ZHX3: variants seen among roughly 807,000 people sequenced by gnomAD.
The protein encoded by ZHX3 is zinc fingers and homeoboxes protein 3.
A neutral mutation model predicts 64.5 loss-of-function variants in ZHX3; 20 were observed. The observed-to-expected ratio is 0.31, with a 90% CI of 0.22 to 0.45. The LOEUF is 0.45. Ranked by LOEUF, ZHX3 falls within the 20% of genes least tolerant of loss-of-function variation. The pLI is 1.00. For missense variants in ZHX3, 1,041 were observed against 1,195.8 expected, an observed-to-expected ratio of 0.87 and a Z score of 1.91; for synonymous variants, 423 against 461.6, an observed-to-expected ratio of 0.92 and a Z score of 1.07.
At chr20:41,263,938 C>CA (rs1220419583) in intron 2 of ZHX3, among the ~76,000 whole-genome samples, 1 of 150,780 alleles carries the variant, frequency 6.6e-6, no homozygotes, top group Admixed American at 6.6e-5. Context: ...CTGGCAAGTG[C>CA]AAAAAAAGGA....
intron 2 of ZHX3, chr20:41,238,860 T>A (rs2041185028): frequency 6.6e-6 from 1 of 152,026 alleles, no homozygotes; most frequent in South Asian, 2.1e-4. Context: ...AAGATGCAAG[T>A]AAGAAACCTA....
Position 41,187,702 on chromosome 20 carries a change from G to A in ZHX3, c.2861-2501C>T, listed in dbSNP as rs1011696229. Among the ~76,000 whole-genome samples, 4 of 152,182 alleles carry A rather than the reference G, an allele frequency of 2.6e-5. No homozygotes were observed. The South Asian group carries it at 6.2e-4, about 24-fold the overall frequency. On this transcript the variant is annotated intron_variant, in intron 3 of 3. Transcript: ENST00000683867. Reference sequence around the variant, plus strand: ...TGTAGTACAATTTGAAATCAAGTGAGTGTGACTCCTTCAACTTTGTTTTTT... The same window carrying A: ...TGTAGTACAATTTGAAATCAAGTGAATGTGACTCCTTCAACTTTGTTTTTT...
intron 3 of ZHX3, among the ~76,000 whole-genome samples, chr20:41,193,259 G>A (rs1476577574): frequency 6.6e-6 from 1 of 152,118 alleles, no homozygotes; most frequent in African/African-American, 2.4e-5. Context: ...TTTGGGTCAC[G>A]TCTACATCTT....
intron 1 of ZHX3, among the ~76,000 whole-genome samples, chr20:41,301,188 C>G (rs2044789155): frequency 6.6e-6 from 1 of 152,128 alleles, no homozygotes; most frequent in Non-Finnish European, 1.5e-5. Context: ...GCCTGAACCT[C>G]TTCTTTAAGC....
Position 41,181,994 on chromosome 20 carries a change from G to A in ZHX3, c.*3197C>T, listed in dbSNP as rs1457876990. 1.3e-5 allele frequency: 2 copies of A among 152,126 alleles called. No individual in the cohort carries two copies. Among genetic ancestry groups the A allele is most frequent in the Non-Finnish European group, 2.9e-5 (2 of 68,016 alleles). The allele number at this position is 152,126 out of a possible 1,614,324, so 9.4% of individuals were successfully genotyped here. A position where few individuals can be genotyped will look rare whatever the true frequency, so the allele number is the denominator to read the frequency against. Reference sequence around the variant, plus strand: ...AAGGCCCTGGCAAGCCATCCAACTAGGGCGTTCTTTTTCAGGAACCCAAGA... The same window carrying A: ...AAGGCCCTGGCAAGCCATCCAACTAAGGCGTTCTTTTTCAGGAACCCAAGA... On this transcript the variant is annotated 3_prime_UTR_variant, in exon 4 of 4. Transcript: ENST00000683867.
At chr20:41,230,382 A>G (rs1286980049) in intron 2 of ZHX3, among the ~76,000 whole-genome samples, 2 of 152,152 alleles carry the variant, frequency 1.3e-5, no homozygotes, top group South Asian at 2.1e-4. Flanking sequence ...GTTTATCATT[A>G]TAGTACTTAG....
At position 41,204,377 on chromosome 20, in the gene ZHX3, G is replaced by C; in HGVS notation, c.540C>G (p.Ile180Met). 6.2e-7 allele frequency: 1 copy of C among 1,614,208 alleles called. No homozygotes were observed. Among genetic ancestry groups the C allele is most frequent in the Non-Finnish European group, 8.5e-7 (1 of 1,180,048 alleles). The change falls in exon 3 of 4, where the codon ATC (isoleucine) becomes ATG (methionine). Residue 180 changes from isoleucine (I) to methionine (M), a missense_variant. Ile to Met is a conservative substitution (Grantham distance 10). Coordinates refer to ENST00000683867, the MANE Select transcript of ZHX3 (RefSeq NM_001384317.1). The surrounding 1 kb of genome is among the most constrained non-coding windows in gnomAD (Gnocchi z 6.6). The stretch of plus-strand genomic sequence containing the variant: ...TCTTCATGATTGGAGTTTTGGTAAT[G>C]ATGATTTCTGCCTGTCCATCAGCCC... ...AEGADGQAEI[I>M]ITKTPIMKIM...
intron 1 of ZHX3, among the ~76,000 whole-genome samples, chr20:41,304,108 C>T (rs1466594054): frequency 6.6e-6 from 1 of 152,158 alleles, no homozygotes; most frequent in Non-Finnish European, 1.5e-5. Context: ...TCCATGGCCC[C>T]ATTCTCTCTT....
At chr20:41,299,419 AT>A (rs1347304058) in intron 1 of ZHX3, among the ~76,000 whole-genome samples, 3 of 152,256 alleles carry the variant, frequency 2.0e-5, no homozygotes, top group Non-Finnish European at 4.4e-5. Context: ...ATTGAAAAAA[AT>A]CAAGAAATAT....
At chr20:41,284,148 G>A (rs1433787125) in intron 1 of ZHX3, among the ~76,000 whole-genome samples, 4 of 152,086 alleles carry the variant, frequency 2.6e-5, no homozygotes, top group African/African-American at 7.2e-5. Flanking sequence ...AATAAGGAAC[G>A]CCTATTACCT....
intron 1 of ZHX3, among the ~76,000 whole-genome samples, chr20:41,274,656 A>C (rs963571377): frequency 6.6e-6 from 1 of 152,202 alleles, no homozygotes; most frequent in Non-Finnish European, 1.5e-5. Context: ...AAGACTCGCA[A>C]TTGCAAGGAA....
intron 1 of ZHX3, among the ~76,000 whole-genome samples, chr20:41,308,970 G>A (rs1479341561): frequency 1.3e-5 from 2 of 152,014 alleles, no homozygotes; most frequent in African/African-American, 4.8e-5. Context: ...CAGCCTTTCT[G>A]AACAAACTAA....
chr20:41,303,005 G>T (rs193239487), intron 1 of ZHX3, among the ~76,000 whole-genome samples: 2 of 151,514 alleles, frequency 1.3e-5, no homozygotes, highest in African/African-American at 4.9e-5. Flanking sequence ...ATAGCCTGAC[G>T]ACCATCTCCA....
In ZHX3 at chr20:41,224,718, C is replaced by T. The variant is rs1237482227; in HGVS notation, c.-150-19652G>A. On this transcript the variant is annotated intron_variant, in intron 2 of 3. Coordinates refer to ENST00000683867, the MANE Select transcript of ZHX3 (RefSeq NM_001384317.1). This position sits in a 1 kb window ranked among gnomAD's most constrained non-coding sequence, Gnocchi z 5.2. ...ATTTGGATACACGTTTTCAGACACTCATTTATAATTCCAACAGAGGACTTC... is the reference window on the plus strand; with the variant it reads ...ATTTGGATACACGTTTTCAGACACTTATTTATAATTCCAACAGAGGACTTC... Among the ~76,000 whole-genome samples, 1 of 152,224 alleles carries T rather than the reference C, an allele frequency of 6.6e-6. No homozygotes were observed. The highest frequency in any genetic ancestry group is 1.5e-5 in the Non-Finnish European group (1 of 68,042).
Position 41,203,042 on chromosome 20 carries a change from T to A in ZHX3, c.1875A>T (p.Arg625Ser), listed in dbSNP as rs781756266. Reference sequence around the variant, plus strand: ...TTTGTGCAAAACTGCTCTCCAGGGCTCTGAGCTGCTCAGGGGCTCTCTCCT... The same window carrying A: ...TTTGTGCAAAACTGCTCTCCAGGGCACTGAGCTGCTCAGGGGCTCTCTCCT... ...KYKERAPEQL[R>S]ALESSFAQNP... is the part of the protein sequence containing the mutation. The change falls in exon 3 of 4, where the codon AGA becomes AGT. Residue 625 changes from arginine to serine, a missense_variant. Transcript: ENST00000683867. The surrounding 1 kb of genome is among the most constrained non-coding windows in gnomAD (Gnocchi z 7.1). 1 of 1,614,220 alleles carries A rather than the reference T, an allele frequency of 6.2e-7. No individual in the cohort carries two copies. Among genetic ancestry groups the A allele is most frequent in the East Asian group, 2.2e-5 (1 of 44,878 alleles).
At chr20:41,255,003 G>A (rs542410368) in intron 2 of ZHX3, among the ~76,000 whole-genome samples, 1 of 152,212 alleles carries the variant, frequency 6.6e-6, no homozygotes, top group South Asian at 2.1e-4. Context: ...GAGTGGCATT[G>A]ATGAACTGGG....
chr20:41,238,990 C>T (rs1044369646), intron 2 of ZHX3, among the ~76,000 whole-genome samples: 3 of 132,564 alleles, frequency 2.3e-5, no homozygotes, highest in African/African-American at 5.8e-5. Flanking sequence ...TATTTTCTCT[C>T]TCTTTTTTTT....
chr20:41,198,558 G>C (rs1442504825), intron 3 of ZHX3, among the ~76,000 whole-genome samples: 3 of 151,454 alleles, frequency 2.0e-5, no homozygotes, highest in Non-Finnish European at 4.4e-5. Flanking sequence ...TTTTTGATGA[G>C]GAATCGGCTG....
At chr20:41,306,899 C>T (rs1425853827) in intron 1 of ZHX3, among the ~76,000 whole-genome samples, 1 of 152,146 alleles carries the variant, frequency 6.6e-6, no homozygotes, top group Non-Finnish European at 1.5e-5. Flanking sequence ...AGAGCCTTAA[C>T]ATGGGAAAGG....
Sources: gnomAD v4.1 joint callset for allele counts (sites outside exome capture counted in the v4.1 genomes callset) on GRCh38, gnomAD v4.1.1 for gene constraint, Gnocchi (gnomAD v3.1) non-coding constraint, MANE v1.5 for transcripts, NCBI Gene and HGNC (gene_info 2026-07-23, HGNC 2026-07-21) for gene names.